NAV2: variants seen among roughly 807,000 people sequenced by gnomAD.
The protein encoded by NAV2 is helicase, APC down-regulated 1.
Under a neutral mutation model 223.2 loss-of-function variants are expected in NAV2, and 54 were observed. That is an observed-to-expected ratio of 0.24 (90% CI 0.19 to 0.30). The LOEUF is 0.30. Ranked by LOEUF, NAV2 falls within the 10% of genes least tolerant of loss-of-function variation. NAV2 has a pLI of 1.00. For missense variants in NAV2, 2,806 were observed against 3,147.5 expected (o/e 0.89, Z 2.60); for synonymous variants, 1,279 against 1,239.3 (o/e 1.03, Z -0.67).
intron 1 of NAV2, among the ~76,000 whole-genome samples, chr11:19,783,819 T>C (rs1167604105): frequency 6.6e-6 from 1 of 152,188 alleles, no homozygotes. Flanking sequence ...TCCAAGCACA[T>C]AGTAAATGCT....
intron 1 of NAV2, among the ~76,000 whole-genome samples, chr11:19,771,372 A>G (rs779558439): frequency 1.3e-5 from 2 of 152,200 alleles, no homozygotes; most frequent in Non-Finnish European, 2.9e-5. Context: ...CCGAGAATTC[A>G]CCAGCAGTTA....
Position 19,964,629 on chromosome 11 carries a change from A to G in NAV2, c.2645+15549A>G, listed in dbSNP as rs551037782. ...TCCTGCCTCAGCCTCTTGAGTAGCT[A>G]GGACTATAGGCATGTACCACCACAC... On this transcript the variant is annotated intron_variant, in intron 10 of 37. Transcript: ENST00000349880. Among the ~76,000 whole-genome samples, 46 of 149,370 alleles carry G rather than the reference A, an allele frequency of 3.1e-4. 1 individual carries two copies. Among genetic ancestry groups the G allele is most frequent in the African/African-American group, 1.0e-3 (41 of 40,448 alleles).
intron 26 of NAV2, among the ~76,000 whole-genome samples, chr11:20,087,359 T>G (rs942223477): frequency 1.3e-5 from 2 of 152,160 alleles, no homozygotes; most frequent in Admixed American, 1.3e-4. Flanking sequence ...GAGATGTTTG[T>G]TTTTGGTCTC....
At chr11:19,698,261 C>T (rs545567123) in intron 1 of NAV2, among the ~76,000 whole-genome samples, 1 of 152,296 alleles carries the variant, frequency 6.6e-6, no homozygotes, top group East Asian at 1.9e-4. Context: ...GGTGGCCATC[C>T]CTACTTTGCA....
In NAV2 at chr11:20,097,631, G is replaced by T; in HGVS notation, c.6067G>T (p.Val2023Phe). Residue 2023 changes from valine (V) to phenylalanine (F), a missense_variant, in exon 31 of 38, where the codon GTT becomes TTT. This residue lies in a region of NAV2 where 824 missense variants were observed against 1,069.4 expected (regional missense o/e 0.77). Transcript: ENST00000349880. ...VSQLGLNSDS[V>F]LGYSIGEIKR... ...TCAGCTAGGGCTGAATTCAGACAGC[G>T]TTCTTGGCTACAGCATTGGAGAAAT... 1 of 1,613,266 alleles carries T rather than the reference G, an allele frequency of 6.2e-7. No homozygotes were observed. Among genetic ancestry groups the T allele is most frequent in the Non-Finnish European group, 8.5e-7 (1 of 1,179,806 alleles).
At chr11:19,366,381 G>A (rs549583082) in intron 1 of NAV2, among the ~76,000 whole-genome samples, 1 of 152,340 alleles carries the variant, frequency 6.6e-6, no homozygotes, top group South Asian at 2.1e-4. Context: ...CTGTAGGAGA[G>A]CCAGGGCTGC....
At chr11:20,021,824 C>G (rs2054536063) in intron 11 of NAV2, among the ~76,000 whole-genome samples, 1 of 152,134 alleles carries the variant, frequency 6.6e-6, no homozygotes, top group Non-Finnish European at 1.5e-5. Context: ...TTTTCATTCA[C>G]CTGGGAATCA....
chr11:19,945,041 TTTTCCTTTCCTTTTCTC>T (rs1311269820), intron 8 of NAV2, among the ~76,000 whole-genome samples: 4 of 150,722 alleles, frequency 2.7e-5, no homozygotes, highest in Non-Finnish European at 4.4e-5. Context: ...TTCTTTTTCT[TTTTCCTTTCCTTTTCTC>T]TTTCCTTTCC....
intron 19 of NAV2, among the ~76,000 whole-genome samples, chr11:20,057,991 G>A (rs891465375): frequency 1.3e-5 from 2 of 152,204 alleles, no homozygotes; most frequent in South Asian, 4.1e-4. Flanking sequence ...GATAGGGACC[G>A]CTGTCAATAC....
rs114129323 is a variant in NAV2, at chr11:19,997,005, T to C, written c.2768+12758T>C. Among the ~76,000 whole-genome samples the C allele has an allele frequency of 9.1e-3, 1,379 of 152,132 alleles. 19 individuals are homozygous for C. The highest frequency in any genetic ancestry group is 0.031 in the African/African-American group (1,297 of 41,492). ...GACCCTGAGGTTTGGAGAGAGAGAC[T>C]CACAAGCCTACGGTTTCTGTACTGG... On this transcript the variant is annotated intron_variant, in intron 11 of 37. Coordinates refer to ENST00000349880, the MANE Select transcript of NAV2 (RefSeq NM_145117.5).
intron 4 of NAV2, among the ~76,000 whole-genome samples, chr11:19,869,707 C>T (rs891985474): frequency 6.6e-6 from 1 of 152,180 alleles, no homozygotes; most frequent in African/African-American, 2.4e-5. Flanking sequence ...CATTAGGCTG[C>T]ACCTGCCTCC....
intron 37 of NAV2, among the ~76,000 whole-genome samples, chr11:20,117,485 C>T (rs559184192): frequency 1.3e-5 from 2 of 152,262 alleles, no homozygotes; most frequent in African/African-American, 4.8e-5. Flanking sequence ...AGGTAACTTG[C>T]CCAGAGATTC....
chr11:20,053,217 C>CG (rs1564939115), intron 17 of NAV2, among the ~76,000 whole-genome samples: 2 of 43,264 alleles, frequency 4.6e-5, no homozygotes, highest in Admixed American at 4.3e-4. Flanking sequence ...GACTACGTCT[C>CG]GAAAAAAAAA....
intron 6 of NAV2, among the ~76,000 whole-genome samples, chr11:19,900,363 G>C (rs565160107): frequency 3.3e-4 from 45 of 137,924 alleles, no homozygotes; most frequent in Non-Finnish European, 5.8e-4. Flanking sequence ...GAGAATGCAA[G>C]TACCGTGAAG....
At chr11:19,969,806 C>G (rs1411131304) in intron 10 of NAV2, among the ~76,000 whole-genome samples, 1 of 151,616 alleles carries the variant, frequency 6.6e-6, no homozygotes, top group Non-Finnish European at 1.5e-5. Flanking sequence ...ATTAGCCAGG[C>G]GTGGTGGCAG....
chr11:19,869,100 G>A, intron 4 of NAV2, 103 bp downstream of exon 4: 1 of 1,137,326 alleles, frequency 8.8e-7, no homozygotes, highest in Non-Finnish European at 1.3e-6. Context: ...GATGCTTGTG[G>A]GCTCCTCTGG....
chr11:19,707,597 G>T (rs954736088), intron 1 of NAV2, among the ~76,000 whole-genome samples: 1 of 152,190 alleles, frequency 6.6e-6, no homozygotes, highest in Admixed American at 6.5e-5. Flanking sequence ...TGAAGGACCT[G>T]CCTGAGACTG....
chr11:19,810,694 T>G (rs1325076638), intron 1 of NAV2, among the ~76,000 whole-genome samples: 1 of 152,206 alleles, frequency 6.6e-6, no homozygotes, highest in Non-Finnish European at 1.5e-5. Flanking sequence ...AAGCTTTCAC[T>G]CCAACAGTGA....
intron 1 of NAV2, among the ~76,000 whole-genome samples, chr11:19,430,441 C>T (rs1473914490): frequency 1.3e-5 from 2 of 152,186 alleles, no homozygotes; most frequent in Admixed American, 6.5e-5. Context: ...ACCCAGCGAC[C>T]CTCACTGGCA....
Sources: allele counts gnomAD v4.1 joint callset (sites outside exome capture counted in the v4.1 genomes callset), GRCh38; gene constraint gnomAD v4.1.1; regional missense constraint gnomAD v4.1.1; transcripts MANE v1.5; gene names NCBI Gene and HGNC (gene_info 2026-07-23, HGNC 2026-07-21).